The following MLLT3 variants were observed in gnomAD, a reference collection of about 807,000 sequenced individuals.
MLLT3 encodes MLLT3 super elongation complex subunit.
A neutral mutation model predicts 53.2 loss-of-function variants in MLLT3; 4 were observed. The observed-to-expected ratio is 0.08, with a 90% CI of 0.04 to 0.17. The LOEUF (loss-of-function observed/expected upper bound fraction) is 0.17, where lower values mean the gene tolerates loss of function less well. MLLT3 is among the 10% of genes least tolerant of loss of function. The pLI, the probability that MLLT3 is intolerant of heterozygous loss-of-function variation, is 1.00. For missense variants in MLLT3, 569 were observed against 684.0 expected, an observed-to-expected ratio of 0.83 and a Z score of 1.87; for synonymous variants, 283 against 230.6, an observed-to-expected ratio of 1.23 and a Z score of -2.06.
intron 2 of MLLT3, among the ~76,000 whole-genome samples, chr9:20,599,503 C>T (rs1295761722): frequency 6.6e-6 from 1 of 151,682 alleles, no homozygotes; most frequent in African/African-American, 2.4e-5. Context: ...ATGTTTCTCC[C>T]CATTGTCCAT....
chr9:20,597,611 C>T (rs1305791083), intron 2 of MLLT3, among the ~76,000 whole-genome samples: 2 of 152,162 alleles, frequency 1.3e-5, no homozygotes, highest in Admixed American at 1.3e-4. Context: ...CATAACTCTT[C>T]TGAACACCAG....
intron 5 of MLLT3, among the ~76,000 whole-genome samples, chr9:20,366,236 C>T (rs551863043): frequency 6.6e-6 from 1 of 152,098 alleles, no homozygotes; most frequent in Non-Finnish European, 1.5e-5. Context: ...GTGTTATGTT[C>T]CCCTCCCTGT....
rs1444801498 is a variant in MLLT3 at position 20,344,647 on chromosome 9, C to T, written c.*1796G>A. 2 of 209,090 alleles carry T rather than the reference C, an allele frequency of 9.6e-6. No individual in the cohort carries two copies. The highest frequency in any genetic ancestry group is 1.9e-5 in the Non-Finnish European group (2 of 102,758). The allele number at this position is 209,090 out of a possible 1,614,324, so 13.0% of individuals were successfully genotyped here. A position where few individuals can be genotyped will look rare whatever the true frequency, so the allele number is the denominator to read the frequency against. On this transcript the variant is annotated 3_prime_UTR_variant, in exon 11 of 11. Coordinates refer to ENST00000380338, the MANE Select transcript of MLLT3 (RefSeq NM_004529.4). ...GAGGACGCTTCAGAGAAATAATTTA[C>T]AAGGAGCATGGCTGTATTATAATTT...
chr9:20,590,536 C>T (rs1271456150), intron 2 of MLLT3, among the ~76,000 whole-genome samples: 2 of 152,174 alleles, frequency 1.3e-5, no homozygotes, highest in Admixed American at 1.3e-4. Flanking sequence ...CATTGTCTGT[C>T]TGTCTCTCTC....
chr9:20,362,707 T>C (rs909592417), intron 7 of MLLT3: 2 of 72,454 alleles, frequency 2.8e-5, no homozygotes, highest in South Asian at 1.3e-3. Flanking sequence ...TTAAGACCGC[T>C]TTTTTTTTTT....
intron 5 of MLLT3, among the ~76,000 whole-genome samples, chr9:20,389,777 C>T (rs1454123605): frequency 2.6e-5 from 4 of 151,844 alleles, no homozygotes; most frequent in Admixed American, 6.6e-5. Context: ...AGACCCCGTC[C>T]GGTAAGGGAA....
intron 2 of MLLT3, among the ~76,000 whole-genome samples, chr9:20,484,235 C>T (rs1232868778): frequency 3.3e-5 from 5 of 152,094 alleles, no homozygotes; most frequent in Non-Finnish European, 7.3e-5. Flanking sequence ...AATAAATTTT[C>T]CTACTAGTAT....
chr9:20,612,545 G>GA (rs1395237613), intron 2 of MLLT3, among the ~76,000 whole-genome samples: 1 of 151,238 alleles, frequency 6.6e-6, no homozygotes, highest in Admixed American at 6.6e-5. Context: ...CAAGATAAAA[G>GA]AAAAAAATGA....
At chr9:20,353,632 C>CT (rs771185335) in intron 9 of MLLT3, 36 bp from the exon 10 acceptor site, 33 of 1,540,096 alleles carry the variant, frequency 2.1e-5, no homozygotes, top group Admixed American at 6.7e-5. Flanking sequence ...AGGACAAGCA[C>CT]TTTAAGTAGT....
At chr9:20,393,841 T>C (rs1451975224) in intron 5 of MLLT3, among the ~76,000 whole-genome samples, 1 of 152,176 alleles carries the variant, frequency 6.6e-6, no homozygotes. Context: ...CAAGAGAAAG[T>C]GATAACTGTA....
chr9:20,436,662 G>T (rs1002066499), intron 4 of MLLT3, among the ~76,000 whole-genome samples: 29 of 152,054 alleles, frequency 1.9e-4, no homozygotes, highest in Admixed American at 2.0e-4. Flanking sequence ...CAAGAACAAT[G>T]AACAAAAACC....
chr9:20,444,982 T>C (rs1027418102), intron 4 of MLLT3, among the ~76,000 whole-genome samples: 38 of 152,048 alleles, frequency 2.5e-4, no homozygotes, highest in African/African-American at 8.5e-4. Context: ...TCACAGCTAT[T>C]TGGGAAGCTC....
intron 2 of MLLT3, among the ~76,000 whole-genome samples, chr9:20,579,872 T>G (rs7041358): frequency 0.31 from 47,779 of 152,060 alleles, 7,978 homozygotes; most frequent in South Asian, 0.42. Flanking sequence ...AGAAACCTTT[T>G]GTTTTCTCTA....
chr9:20,557,371 C>T (rs1819087600), intron 2 of MLLT3, among the ~76,000 whole-genome samples: 1 of 152,104 alleles, frequency 6.6e-6, no homozygotes, highest in Admixed American at 6.5e-5. Context: ...GGTCCAATTT[C>T]CTCATCTTTA....
At chr9:20,424,879 A>G (rs1461070019) in intron 4 of MLLT3, among the ~76,000 whole-genome samples, 1 of 152,192 alleles carries the variant, frequency 6.6e-6, no homozygotes, top group Non-Finnish European at 1.5e-5. Context: ...TAATATATGT[A>G]AAGTACCTAT....
chr9:20,605,489 C>T (rs1221651881), intron 2 of MLLT3, among the ~76,000 whole-genome samples: 1 of 151,854 alleles, frequency 6.6e-6, no homozygotes, highest in African/African-American at 2.4e-5. Flanking sequence ...AGTTAATAAC[C>T]ACGGGTTCAT....
At chr9:20,494,435 T>C (rs974541762) in intron 2 of MLLT3, among the ~76,000 whole-genome samples, 1 of 152,166 alleles carries the variant, frequency 6.6e-6, no homozygotes, top group Non-Finnish European at 1.5e-5. Context: ...AATTAAGAAA[T>C]AATGGTTTAA....
At chr9:20,591,164 T>A (rs987279256) in intron 2 of MLLT3, among the ~76,000 whole-genome samples, 1 of 152,214 alleles carries the variant, frequency 6.6e-6, no homozygotes, top group Non-Finnish European at 1.5e-5. Flanking sequence ...ATTTTTTGAA[T>A]CTAGTTTTAT....
intron 10 of MLLT3, among the ~76,000 whole-genome samples, chr9:20,348,515 A>C (rs1820933385): frequency 6.6e-6 from 1 of 152,248 alleles, no homozygotes; most frequent in Non-Finnish European, 1.5e-5. Context: ...GAAAAGAAAG[A>C]CAAGGAGCCT....
Sources: gnomAD v4.1 joint callset for allele counts (sites outside exome capture counted in the v4.1 genomes callset) on GRCh38, gnomAD v4.1.1 for gene constraint, MANE v1.5 for transcripts, NCBI Gene and HGNC (gene_info 2026-07-23, HGNC 2026-07-21) for gene names.